NDUFA10: variants seen among roughly 807,000 people sequenced by gnomAD.
NDUFA10 encodes NADH dehydrogenase [ubiquinone] 1 alpha subcomplex subunit 10, mitochondrial.
A neutral mutation model predicts 47.8 loss-of-function variants in NDUFA10; 40 were observed. The ratio of observed to expected loss-of-function variants is 0.84; its 90% CI spans 0.65 to 1.09. The LOEUF is 1.09. Ranked by LOEUF, NDUFA10 falls within the 50% of genes least tolerant of loss-of-function variation. NDUFA10 has a pLI of 0.00. For synonymous variants in NDUFA10, 183 were observed against 172.2 expected (o/e 1.06, Z -0.49); for missense variants, 413 against 451.1 (o/e 0.92, Z 0.76).
intron 8 of NDUFA10, among the ~76,000 whole-genome samples, chr2:239,999,790 T>C (rs992977648): frequency 6.6e-6 from 1 of 152,268 alleles, no homozygotes; most frequent in South Asian, 2.1e-4. Flanking sequence ...GTTATACTGA[T>C]GGAGAGTGCA....
At chr2:240,018,183 A>C (rs1051462120) in intron 4 of NDUFA10, among the ~76,000 whole-genome samples, 1 of 152,214 alleles carries the variant, frequency 6.6e-6, no homozygotes, top group Non-Finnish European at 1.5e-5. Context: ...CATCAAAATC[A>C]CACACTAGAA....
At chr2:239,929,936 T>C (rs1219966667) in intron 4 of NDUFA10, among the ~76,000 whole-genome samples, 2 of 114,708 alleles carry the variant, frequency 1.7e-5, no homozygotes, top group Admixed American at 8.6e-5. Flanking sequence ...GCTCCTCCAC[T>C]GCCCCTGCTC....
At chr2:240,014,562 G>T in intron 5 of NDUFA10, 177 bp downstream of exon 5, 1 of 1,010,852 alleles carries the variant, frequency 9.9e-7, no homozygotes, top group Non-Finnish European at 1.5e-6. Flanking sequence ...ACCAGGCCGA[G>T]CCATGGGGTC....
At chr2:239,954,390 C>G (rs1298850850), downstream of NDUFA10, among the ~76,000 whole-genome samples, 1 of 152,248 alleles carries the variant, frequency 6.6e-6, no homozygotes, top group Admixed American at 6.5e-5. Context: ...TGGGCTCAAC[C>G]TGCCCGGCTG....
rs1350995336 is a variant in NDUFA10, at chr2:239,987,270, C to G, written c.999+2804G>C. Among the ~76,000 whole-genome samples the G allele has an allele frequency of 6.6e-6, 1 of 152,050 alleles. No individual in the cohort carries two copies. The highest frequency in any genetic ancestry group is 1.9e-4 in the East Asian group (1 of 5,184). ...TCCTGGGGTTGTGGAGGAGAACACCCTTGTTTGTGAGAATTACACATTCAA... is the reference window on the plus strand; with the variant it reads ...TCCTGGGGTTGTGGAGGAGAACACCGTTGTTTGTGAGAATTACACATTCAA... On this transcript the variant is annotated intron_variant, in intron 9 of 9. Transcript: ENST00000252711. The surrounding 1 kb of genome is among the most constrained non-coding windows in gnomAD (Gnocchi z 4.8).
chr2:239,933,287 G>T (rs1000031801), intron 4 of NDUFA10, among the ~76,000 whole-genome samples: 4 of 152,138 alleles, frequency 2.6e-5, no homozygotes, highest in Admixed American at 6.5e-5. Flanking sequence ...CTCTTACACT[G>T]CTCAGAGATG....
At chr2:239,910,717 A>C (rs1574771554) in intron 4 of NDUFA10, among the ~76,000 whole-genome samples, 1 of 151,934 alleles carries the variant, frequency 6.6e-6, no homozygotes, top group East Asian at 2.0e-4. Flanking sequence ...CCGAACTCAA[A>C]ATGAAAGTGG....
At chr2:240,024,262 G>T (rs1051164425) in intron 1 of NDUFA10, among the ~76,000 whole-genome samples, 5 of 152,212 alleles carry the variant, frequency 3.3e-5, no homozygotes, top group African/African-American at 1.2e-4. Flanking sequence ...GTACATCCAT[G>T]CAATGAGATA....
intron 8 of NDUFA10, among the ~76,000 whole-genome samples, chr2:239,995,490 G>A (rs140053294): frequency 2.6e-5 from 4 of 152,116 alleles, no homozygotes; most frequent in African/African-American, 9.7e-5. Context: ...AAAGATAAAA[G>A]AGAATCTTAT....
In NDUFA10 at chr2:240,021,391, G is replaced by A. The variant is rs893201618; in HGVS notation, c.266C>T (p.Ala89Val). The A allele has an allele frequency of 1.4e-5, 22 of 1,614,026 alleles. No homozygotes were observed. The Admixed American group carries it at 1.8e-4, about 13-fold the overall frequency. The change falls in exon 3 of 10, where the codon GCG becomes GTG. Residue 89 changes from alanine to valine, a missense_variant. Coordinates refer to ENST00000252711, the MANE Select transcript of NDUFA10 (RefSeq NM_004544.4). ...EKLGFKHFPE[A>V]GIHYPDSTTG... ...GGTACTGTCTGGATAATGAATCCCC[G>A]CTTCAGGAAAGTGCTTGAAGCCTGA... is the stretch of plus-strand genomic sequence containing the variant.
At chr2:239,986,840 G>A (rs925012777) in intron 9 of NDUFA10, among the ~76,000 whole-genome samples, 1 of 152,122 alleles carries the variant, frequency 6.6e-6, no homozygotes, top group South Asian at 2.1e-4. Flanking sequence ...AATATTAAGA[G>A]TAAAAGATAA....
downstream of NDUFA10, among the ~76,000 whole-genome samples, chr2:239,955,891 G>A (rs1352405926): frequency 3.9e-5 from 6 of 152,170 alleles, no homozygotes; most frequent in Non-Finnish European, 5.9e-5. Flanking sequence ...CCAAAGTGGG[G>A]CAGGGCAGCA....
intron 4 of NDUFA10, among the ~76,000 whole-genome samples, chr2:239,915,263 CAT>C (rs370608544): frequency 1.8e-5 from 1 of 55,506 alleles, no homozygotes; most frequent in Non-Finnish European, 3.4e-5. Flanking sequence ...AACACACACA[CAT>C]ACAGACACAC....
chr2:239,908,681 A>C (rs1362390059), intron 4 of NDUFA10, among the ~76,000 whole-genome samples: 1 of 152,244 alleles, frequency 6.6e-6, no homozygotes, highest in East Asian at 1.9e-4. Flanking sequence ...GGATAAACTT[A>C]CTGTTAACAG....
chr2:239,983,740 T>C (rs1252561178), intron 9 of NDUFA10: 1 of 1,551,440 alleles, frequency 6.4e-7, no homozygotes, highest in South Asian at 1.2e-5. Flanking sequence ...CGGGCAACCC[T>C]CAACTGAGGG....
chr2:239,971,377 C>T (rs758544920), intron 9 of NDUFA10, among the ~76,000 whole-genome samples: 1 of 152,214 alleles, frequency 6.6e-6, no homozygotes, highest in Admixed American at 6.5e-5. Context: ...ACACCTATGC[C>T]ACTCACTCTT....
In NDUFA10 at chr2:240,008,346, A is replaced by C. The variant is rs140711436; in HGVS notation, c.750-976T>G. 1.1e-3 allele frequency among the ~76,000 whole-genome samples: 163 copies of C among 152,364 alleles called. No individual in the cohort carries two copies. The South Asian group carries it at 0.013, about 13-fold the overall frequency. On this transcript the variant is annotated intron_variant, in intron 6 of 9. Transcript: ENST00000252711. Reference sequence around the variant, plus strand: ...TCAGAAACTGCAAGCAGAATGAACAATAAATCCATAGTGAGGAAAGTAACT... The same window carrying C: ...TCAGAAACTGCAAGCAGAATGAACACTAAATCCATAGTGAGGAAAGTAACT...
chr2:239,964,446 T>G (rs2106398480), intron 9 of NDUFA10, among the ~76,000 whole-genome samples: 1 of 152,004 alleles, frequency 6.6e-6, no homozygotes, highest in South Asian at 2.1e-4. Flanking sequence ...CTCCAGAACT[T>G]TAGGAGGATG....
Position 240,019,601 on chromosome 2 carries a change from G to A in NDUFA10, c.461-962C>T, listed in dbSNP as rs1385502417. Among the ~76,000 whole-genome samples the A allele has an allele frequency of 1.8e-4, 5 of 28,138 alleles. 2 individuals are homozygous for A. Among genetic ancestry groups the A allele is most frequent in the East Asian group, 8.1e-4 (1 of 1,230 alleles). The allele number at this position is 28,138 out of a possible 152,430, so 18.5% of individuals were successfully genotyped here. ...TGGGAGGCCGAGGCGGGCGGATCAC[G>A]AGGTCAGGAGATCGAGACCATCCCG... On this transcript the variant is annotated intron_variant, in intron 3 of 9. Transcript: ENST00000252711.
Sources: allele counts gnomAD v4.1 joint callset (sites outside exome capture counted in the v4.1 genomes callset), GRCh38; gene constraint gnomAD v4.1.1; non-coding constraint Gnocchi (gnomAD v3.1); transcripts MANE v1.5; gene names NCBI Gene and HGNC (gene_info 2026-07-23, HGNC 2026-07-21).